Variants in SEZ6L observed in about 807,000 individuals in gnomAD.
SEZ6L encodes seizure 6-like protein.
Under a neutral mutation model 106.2 loss-of-function variants are expected in SEZ6L, and 37 were observed. The ratio of observed to expected loss-of-function variants is 0.35; its 90% confidence interval spans 0.27 to 0.46. The LOEUF (loss-of-function observed/expected upper bound fraction) is 0.46. SEZ6L is among the 20% of genes least tolerant of loss of function. The pLI is 1.00. For synonymous variants in SEZ6L, 541 were observed against 570.4 expected (o/e 0.95, Z 0.73); for missense variants, 1,172 against 1,332.8 (o/e 0.88, Z 1.88).
rs553952072 is a variant in SEZ6L at position 26,257,665 on chromosome 22, G to C, written c.95-34741G>C. Among the ~76,000 whole-genome samples the C allele has an allele frequency of 5.3e-5, 8 of 152,234 alleles. No homozygotes were observed. The South Asian group carries it at 1.7e-3, about 32-fold the overall frequency. On this transcript the variant is annotated intron_variant, in intron 1 of 16. Transcript: ENST00000248933. ...TATGCTGAGGTCTGAGGACTAAAGA[G>C]GGAAAACCATGAAGAGAGGGAACAG...
At chr22:26,252,243 C>G (rs971808763) in intron 1 of SEZ6L, among the ~76,000 whole-genome samples, 3 of 152,122 alleles carry the variant, frequency 2.0e-5, no homozygotes, top group African/African-American at 7.2e-5. Flanking sequence ...AAAAGGGTAA[C>G]CTAACTCTAG....
chr22:26,239,746 C>A (rs562403970), intron 1 of SEZ6L, among the ~76,000 whole-genome samples: 2 of 151,998 alleles, frequency 1.3e-5, no homozygotes, highest in African/African-American at 4.8e-5. Flanking sequence ...CTCACAGAGC[C>A]GCTGAGGTTG....
chr22:26,348,513 AGAAGGAAGGAAGGAAG>A (rs200858250), intron 11 of SEZ6L, among the ~76,000 whole-genome samples: 777 of 32,956 alleles, frequency 0.024, 7 homozygotes, highest in Middle Eastern at 0.043. Context: ...TGGGAGAGAG[AGAAGGAAGGAAGGAAG>A]GAAGGAAGGA....
At chr22:26,217,224 A>G (rs1160298843) in intron 1 of SEZ6L, among the ~76,000 whole-genome samples, 1 of 152,134 alleles carries the variant, frequency 6.6e-6, no homozygotes, top group Non-Finnish European at 1.5e-5. Context: ...TTCCCTTCCC[A>G]CCACCATAGT....
At chr22:26,370,039 A>G (rs2083973705) in intron 13 of SEZ6L, among the ~76,000 whole-genome samples, 1 of 152,204 alleles carries the variant, frequency 6.6e-6, no homozygotes, top group Non-Finnish European at 1.5e-5. Flanking sequence ...AATTAATTTG[A>G]CATTGTTGAT....
rs1242786168 is a variant in SEZ6L, at chr22:26,352,744, T to G, written c.2599+1501T>G. On this transcript the variant is annotated intron_variant, in intron 12 of 16. Transcript: ENST00000248933. ...CAGGTGTCATTCTAAGAATGGCGCA[T>G]GCATTAACTCTTTGATTCCTGGCAG... Among the ~76,000 whole-genome samples, 3 of 152,252 alleles carry G rather than the reference T, an allele frequency of 2.0e-5. 1 individual carries two copies. The highest frequency in any genetic ancestry group is 6.3e-3 in the Middle Eastern group (2 of 316).
intron 1 of SEZ6L, among the ~76,000 whole-genome samples, chr22:26,262,122 C>T (rs539701031): frequency 1.3e-5 from 2 of 151,310 alleles, no homozygotes; most frequent in South Asian, 4.2e-4. Flanking sequence ...TGGAAATAAT[C>T]TGTTGGCCAG....
In SEZ6L at chr22:26,347,835, T is replaced by C; in HGVS notation, c.2329T>C (p.Tyr777His). Residue 777 changes from tyrosine to histidine, a missense_variant, in exon 11 of 17, where the codon TAT becomes CAT. Around this residue, in one of 4 missense-constraint regions of SEZ6L, gnomAD observed 534 missense variants for 691.0 expected, o/e 0.77. Transcript: ENST00000248933. ...ARITYQCDPG[Y>H]DIVGSDTLTC... is the part of the protein sequence containing the mutation. ...AATCACCTACCAGTGTGACCCCGGC[T>C]ATGACATCGTGGGGAGTGACACCCT... 2 of 1,605,310 alleles carry C rather than the reference T, an allele frequency of 1.2e-6. No homozygotes were observed. Among genetic ancestry groups the C allele is most frequent in the Non-Finnish European group, 1.7e-6 (2 of 1,177,128 alleles).
At chr22:26,178,280 T>C (rs1939156339) in intron 1 of SEZ6L, among the ~76,000 whole-genome samples, 1 of 152,172 alleles carries the variant, frequency 6.6e-6, no homozygotes. Context: ...AATGGTGCCA[T>C]CCAAGCATCT....
rs181088805 is a variant in SEZ6L at position 26,260,180 on chromosome 22, T to C, written c.95-32226T>C. Reference sequence around the variant, plus strand: ...ATAGGTTTTGGGAGAACAGGTGGTATTTGGTTACATTAGTAAGTTCTTCAG... The same window carrying C: ...ATAGGTTTTGGGAGAACAGGTGGTACTTGGTTACATTAGTAAGTTCTTCAG... On this transcript the variant is annotated intron_variant, in intron 1 of 16. Transcript: ENST00000248933. 1.9e-3 allele frequency among the ~76,000 whole-genome samples: 282 copies of C among 152,292 alleles called. 3 individuals are homozygous for C. The highest frequency in any genetic ancestry group is 4.3e-4 in the Non-Finnish European group (29 of 68,030).
At chr22:26,262,682 C>T (rs1308280025) in intron 1 of SEZ6L, among the ~76,000 whole-genome samples, 1 of 152,114 alleles carries the variant, frequency 6.6e-6, no homozygotes, top group Non-Finnish European at 1.5e-5. Flanking sequence ...AAGCAGAGAA[C>T]CTGAAATCCA....
At chr22:26,236,038 C>G (rs79852956) in intron 1 of SEZ6L, among the ~76,000 whole-genome samples, 2,924 of 152,354 alleles carry the variant, frequency 0.019, 114 homozygotes, top group African/African-American at 0.067. Context: ...CAGGTTGGAT[C>G]TTGCCCCCCT....
At chr22:26,274,757 G>A (rs1337923242) in intron 1 of SEZ6L, among the ~76,000 whole-genome samples, 8 of 152,210 alleles carry the variant, frequency 5.3e-5, no homozygotes, top group African/African-American at 1.9e-4. Context: ...GGGGCCCCAT[G>A]GACAGCACTT....
chr22:26,268,018 C>G (rs2080244552), intron 1 of SEZ6L, among the ~76,000 whole-genome samples: 1 of 152,242 alleles, frequency 6.6e-6, no homozygotes, highest in Non-Finnish European at 1.5e-5. Flanking sequence ...ACTATTCAAA[C>G]AAAGCCATGC....
At chr22:26,277,120 T>TTA (rs1380501008) in intron 1 of SEZ6L, among the ~76,000 whole-genome samples, 1 of 149,742 alleles carries the variant, frequency 6.7e-6, no homozygotes, top group South Asian at 2.1e-4. Flanking sequence ...TTTTTTTTTT[T>TTA]AATATAGCCT....
intron 5 of SEZ6L, among the ~76,000 whole-genome samples, chr22:26,304,430 A>G (rs898764876): frequency 4.7e-5 from 7 of 148,560 alleles, no homozygotes; most frequent in African/African-American, 1.7e-4. Flanking sequence ...GAAAGAAAGA[A>G]AAAGAAAGGA....
chr22:26,377,909 A>C (rs1281446209), intron 16 of SEZ6L, 134 bp downstream of exon 16: 2 of 658,838 alleles, frequency 3.0e-6, no homozygotes, highest in African/African-American at 3.6e-5. Context: ...CCCCACCAAG[A>C]GCCCTAAAGA....
chr22:26,299,212 A>G (rs1053904887), intron 5 of SEZ6L, 43 bp downstream of exon 5: 2 of 1,324,704 alleles, frequency 1.5e-6, no homozygotes, highest in African/African-American at 1.5e-5. Context: ...TGGTCCAACT[A>G]AGAGGGGAAA....
At chr22:26,319,016 A>G (rs571286905) in intron 9 of SEZ6L, among the ~76,000 whole-genome samples, 4 of 152,218 alleles carry the variant, frequency 2.6e-5, no homozygotes, top group East Asian at 3.9e-4. Flanking sequence ...ACCATGACCC[A>G]TTTTAATATA....
Sources: allele counts gnomAD v4.1 joint callset (sites outside exome capture counted in the v4.1 genomes callset), GRCh38; gene constraint gnomAD v4.1.1; regional missense constraint gnomAD v4.1.1; transcripts MANE v1.5; gene names NCBI Gene and HGNC (gene_info 2026-07-23, HGNC 2026-07-21).